Variants in RAD51C observed in about 807,000 individuals in gnomAD.
RAD51C encodes DNA repair protein RAD51 homolog 3.
A neutral mutation model predicts 45.0 loss-of-function variants in RAD51C; 42 were observed. The observed-to-expected ratio is 0.93, with a 90% confidence interval of 0.73 to 1.21. RAD51C has a LOEUF of 1.21. Ranked by LOEUF, RAD51C falls within the 50% of genes most tolerant of loss-of-function variation. The probability of loss-of-function intolerance (pLI) is 0.00; values close to 1 mark genes in which losing one functional copy is unlikely to be tolerated. For missense variants in RAD51C, 474 were observed against 452.2 expected (o/e 1.05, Z -0.44); for synonymous variants, 172 against 159.8 (o/e 1.08, Z -0.58).
chr17:58,709,687 C>T (rs2048487295), intron 4 of RAD51C, 172 bp from the exon 5 acceptor site: 3 of 582,166 alleles, frequency 5.2e-6, no homozygotes, highest in African/African-American at 1.9e-5. Context: ...ATTGACACCT[C>T]CTTTCCTATA....
At chr17:58,710,142 T>A in intron 5 of RAD51C, 152 bp downstream of exon 5, 1 of 911,352 alleles carries the variant, frequency 1.1e-6, no homozygotes, top group African/African-American at 1.7e-5. Flanking sequence ...CATTAAAAAA[T>A]TCTGGTCATA....
intron 4 of RAD51C, among the ~76,000 whole-genome samples, chr17:58,703,545 T>C (rs1432717332): frequency 6.6e-6 from 1 of 152,210 alleles, no homozygotes; most frequent in African/African-American, 2.4e-5. Context: ...TGAAATAATA[T>C]AGAAGTTTCA....
chr17:58,695,129 T>C lies in RAD51C; in HGVS notation c.344T>C (p.Val115Ala), dbSNP rs779104845. The change falls in exon 2 of 9, where the codon GTG becomes GCG. Residue 115 changes from valine to alanine, a missense_variant. Val to Ala is a moderately conservative substitution (Grantham distance 64). Coordinates refer to ENST00000337432, the MANE Select transcript of RAD51C (RefSeq NM_058216.3). ...CTAGATGATATTCTTGGGGGTGGAG[T>C]GCCCTTAATGAAAACAACAGAAATT... is the stretch of plus-strand genomic sequence containing the variant. Reference protein sequence around the residue: ...SALDDILGGGVPLMKTTEICG... With the variant: ...SALDDILGGGAPLMKTTEICG... 6.2e-7 allele frequency: 1 copy of C among 1,613,854 alleles called. No individual in the cohort carries two copies.
intron 5 of RAD51C, among the ~76,000 whole-genome samples, chr17:58,712,602 C>T (rs1380587293): frequency 2.0e-5 from 3 of 151,378 alleles, no homozygotes; most frequent in Middle Eastern, 3.5e-3. Context: ...GGGCAGATCA[C>T]GAGGTCAGGA....
At chr17:58,712,344 CAAAA>C (rs5821244) in intron 5 of RAD51C, among the ~76,000 whole-genome samples, 3 of 83,076 alleles carry the variant, frequency 3.6e-5, no homozygotes, top group Non-Finnish European at 2.2e-5. Flanking sequence ...CACTCCATCT[CAAAA>C]AAAAAAAAAA....
At chr17:58,704,439 A>AT (rs879696109) in intron 4 of RAD51C, among the ~76,000 whole-genome samples, 146 of 142,886 alleles carry the variant, frequency 1.0e-3, no homozygotes, top group East Asian at 1.6e-3. Flanking sequence ...CGCCTGGCTA[A>AT]TTTTTTTTTT....
At position 58,695,034 on chromosome 17, in the gene RAD51C, G is replaced by A. The variant is rs145387081; in HGVS notation, c.249G>A (p.Lys83=). 6.2e-7 allele frequency: 1 copy of A among 1,614,064 alleles called. No homozygotes were observed. Among genetic ancestry groups the A allele is most frequent in the Non-Finnish European group, 8.5e-7 (1 of 1,179,982 alleles). The change falls in exon 2 of 9, where the codon AAG becomes AAA. Residue 83 remains lysine (K), a synonymous_variant. Coordinates refer to ENST00000337432, the MANE Select transcript of RAD51C (RefSeq NM_058216.3). The part of the protein sequence containing the change: ...PRYAGTSESH[K]KCTALELLEQ... ...ATGCTGGTACATCTGAGTCACACAAGAAGTGTACAGCACTGGAACTTCTTG... is the reference window on the plus strand; with the variant it reads ...ATGCTGGTACATCTGAGTCACACAAAAAGTGTACAGCACTGGAACTTCTTG...
intron 7 of RAD51C, among the ~76,000 whole-genome samples, chr17:58,726,409 A>G (rs1166391024): frequency 1.4e-5 from 2 of 142,266 alleles, no homozygotes; most frequent in Non-Finnish European, 3.0e-5. Flanking sequence ...ATGTGTATAT[A>G]TATAGATTAT....
chr17:58,733,042 G>A (rs980327377), intron 8 of RAD51C, among the ~76,000 whole-genome samples: 5 of 151,828 alleles, frequency 3.3e-5, no homozygotes, highest in Admixed American at 2.0e-4. Context: ...TTTTGAGATG[G>A]AGTCTCTGCG....
chr17:58,708,580 CAT>C (rs1342903214), intron 4 of RAD51C, among the ~76,000 whole-genome samples: 1 of 151,950 alleles, frequency 6.6e-6, no homozygotes, highest in Non-Finnish European at 1.5e-5. Flanking sequence ...TAGAAAAAAA[CAT>C]AGCATTGGAG....
At chr17:58,710,365 G>C (rs1311379432) in intron 5 of RAD51C, among the ~76,000 whole-genome samples, 3 of 150,716 alleles carry the variant, frequency 2.0e-5, no homozygotes, top group South Asian at 4.2e-4. Flanking sequence ...CGGTGTGGTG[G>C]CATGCCCCTG....
intron 4 of RAD51C, among the ~76,000 whole-genome samples, chr17:58,707,987 G>A (rs1255793077): frequency 1.3e-5 from 2 of 152,196 alleles, no homozygotes; most frequent in Admixed American, 1.3e-4. Context: ...CTAATTTTAC[G>A]TTAATTACTA....
chr17:58,714,098 C>T (rs917474173), intron 5 of RAD51C, among the ~76,000 whole-genome samples: 3 of 151,964 alleles, frequency 2.0e-5, no homozygotes, highest in Non-Finnish European at 4.4e-5. Context: ...GCTTCTCATT[C>T]CACAGTCTCC....
intron 4 of RAD51C, among the ~76,000 whole-genome samples, chr17:58,709,092 CTTTT>C (rs34570887): frequency 3.4e-5 from 4 of 117,008 alleles, no homozygotes; most frequent in African/African-American, 3.5e-5. Context: ...TTTTGAATTA[CTTTT>C]TTTTTTTTTT....
chr17:58,713,388 T>TA (rs1287457032), intron 5 of RAD51C, among the ~76,000 whole-genome samples: 1 of 152,144 alleles, frequency 6.6e-6, no homozygotes, highest in Non-Finnish European at 1.5e-5. Flanking sequence ...TCATCCAGGC[T>TA]AGAGTGCAGT....
At chr17:58,721,811 G>A (rs2048928099) in intron 6 of RAD51C, among the ~76,000 whole-genome samples, 1 of 151,878 alleles carries the variant, frequency 6.6e-6, no homozygotes, top group Non-Finnish European at 1.5e-5. Context: ...TAATGGCATA[G>A]ATCATTCTAT....
rs1291341143 is a variant in RAD51C, at chr17:58,696,722, C to T, written c.434C>T (p.Pro145Leu). 1.2e-6 allele frequency: 2 copies of T among 1,613,960 alleles called. No homozygotes were observed. Among genetic ancestry groups the T allele is most frequent in the African/African-American group, 1.3e-5 (1 of 74,886 alleles). Residue 145 changes from proline to leucine, a missense_variant, in exon 3 of 9, where the codon CCA becomes CTA. Physicochemically the swap from Pro to Leu is moderately conservative, Grantham distance 98. Coordinates refer to ENST00000337432, the MANE Select transcript of RAD51C (RefSeq NM_058216.3). The part of the protein sequence containing the change: ...CMQLAVDVQI[P>L]ECFGGVAGEA... ...CAGTTGGCAGTAGATGTGCAGATAC[C>T]AGAATGTTTTGGAGGAGTGGCAGGT... is the stretch of plus-strand genomic sequence containing the variant.
intron 3 of RAD51C, among the ~76,000 whole-genome samples, chr17:58,700,454 A>AT (rs1210677049): frequency 1.3e-5 from 2 of 151,858 alleles, no homozygotes; most frequent in African/African-American, 4.8e-5. Flanking sequence ...TAATTAATTT[A>AT]TTTTTTAAGA....
At chr17:58,725,781 T>A (rs564487784) in intron 7 of RAD51C, among the ~76,000 whole-genome samples, 2 of 151,972 alleles carry the variant, frequency 1.3e-5, no homozygotes, top group South Asian at 4.2e-4. Flanking sequence ...GATCATGGGG[T>A]CAAGAGATCA....
Sources: allele counts gnomAD v4.1 joint callset (sites outside exome capture counted in the v4.1 genomes callset), GRCh38; gene constraint gnomAD v4.1.1; transcripts MANE v1.5; gene names NCBI Gene and HGNC (gene_info 2026-07-23, HGNC 2026-07-21).